LINGO2: variants seen among roughly 807,000 people sequenced by gnomAD.
LINGO2 encodes the protein leucine rich repeat and Ig domain containing 2, also known as leucine-rich repeat and immunoglobulin-like domain-containing nogo receptor-interacting protein 2.
A neutral mutation model predicts 30.6 loss-of-function variants in LINGO2; 14 were observed. The observed-to-expected ratio is 0.46, with a 90% CI of 0.30 to 0.72. The LOEUF is 0.72. Ranked by LOEUF, LINGO2 falls within the 30% of genes least tolerant of loss-of-function variation. LINGO2 has a pLI of 0.07. For missense variants in LINGO2, 729 were observed against 751.7 expected (o/e 0.97, Z 0.35); for synonymous variants, 317 against 288.5 (o/e 1.10, Z -1.00).
chr9:28,185,438 T>A (rs1819507558), intron 4 of LINGO2, among the ~76,000 whole-genome samples: 1 of 148,648 alleles, frequency 6.7e-6, no homozygotes, highest in East Asian at 2.0e-4. Context: ...AGGTAAATGG[T>A]AAAAAAAAAA....
intron 4 of LINGO2, among the ~76,000 whole-genome samples, chr9:28,024,115 T>TC (rs1458699290): frequency 4.6e-5 from 7 of 152,316 alleles, no homozygotes; most frequent in African/African-American, 1.7e-4. Flanking sequence ...AGTGACCACT[T>TC]CCAAGCTCTT....
At chr9:28,352,331 A>T (rs1270645772) in intron 3 of LINGO2, among the ~76,000 whole-genome samples, 4 of 126,012 alleles carry the variant, frequency 3.2e-5, no homozygotes, top group African/African-American at 1.2e-4. Flanking sequence ...ATGTACAAAA[A>T]TCACAAGCAT....
At chr9:28,342,036 A>T (rs1825783583) in intron 3 of LINGO2, among the ~76,000 whole-genome samples, 1 of 152,240 alleles carries the variant, frequency 6.6e-6, no homozygotes, top group East Asian at 1.9e-4. Context: ...AGGAGGGGAA[A>T]ATGTTGCTTA....
At chr9:28,434,138 G>C in intron 2 of LINGO2, among the ~76,000 whole-genome samples, 1 of 151,478 alleles carries the variant, frequency 6.6e-6, no homozygotes, top group East Asian at 1.9e-4. Flanking sequence ...TTACAAGTGG[G>C]AGCTAAGCTA....
At chr9:29,196,074 T>G in the LINGO2 span, among the ~76,000 whole-genome samples, 1 of 152,174 alleles carries the variant, frequency 6.6e-6, no homozygotes. Context: ...TTACAGGTTT[T>G]GGACATATTG....
intron 4 of LINGO2, among the ~76,000 whole-genome samples, chr9:28,257,253 A>G (rs1822413107): frequency 6.6e-6 from 1 of 151,952 alleles, no homozygotes; most frequent in Non-Finnish European, 1.5e-5. Flanking sequence ...TATTCAGCTC[A>G]GTGTAGATTT....
At chr9:27,972,975 T>C (rs1484969043) in intron 5 of LINGO2, among the ~76,000 whole-genome samples, 1 of 152,144 alleles carries the variant, frequency 6.6e-6, no homozygotes, top group Non-Finnish European at 1.5e-5. Flanking sequence ...AAGCAAATTT[T>C]CTCTCCCTCT....
chr9:28,319,228 G>A (rs1824950865), intron 3 of LINGO2, among the ~76,000 whole-genome samples: 1 of 152,062 alleles, frequency 6.6e-6, no homozygotes. Context: ...AATAGGGATG[G>A]CCACCCACCT....
At chr9:28,733,459 T>C in the LINGO2 span, among the ~76,000 whole-genome samples, 1 of 152,150 alleles carries the variant, frequency 6.6e-6, no homozygotes, top group African/African-American at 2.4e-5. Context: ...AGTGAACTTA[T>C]GGACATCTGG....
At chr9:28,324,586 C>T (rs1825158653) in intron 3 of LINGO2, among the ~76,000 whole-genome samples, 1 of 152,154 alleles carries the variant, frequency 6.6e-6, no homozygotes, top group Non-Finnish European at 1.5e-5. Context: ...TCTGGTCATC[C>T]TCACTGCTCA....
chr9:28,685,703 A>G, the LINGO2 span, among the ~76,000 whole-genome samples: 1 of 152,196 alleles, frequency 6.6e-6, no homozygotes, highest in East Asian at 1.9e-4. Flanking sequence ...TAAAATTGTC[A>G]TTTTCTACTT....
chr9:28,626,445 T>A (rs1220421892), intron 1 of LINGO2, among the ~76,000 whole-genome samples: 1 of 152,124 alleles, frequency 6.6e-6, no homozygotes, highest in African/African-American at 2.4e-5. Context: ...TGATTTGTGC[T>A]TTGAAAACTG....
At chr9:28,559,151 GAC>G (rs925956777) in intron 1 of LINGO2, among the ~76,000 whole-genome samples, 14 of 152,194 alleles carry the variant, frequency 9.2e-5, no homozygotes, top group Admixed American at 8.5e-4. Context: ...TAAATATTCA[GAC>G]ACTGTCAGCA....
chr9:27,987,576 C>T (rs968018339), intron 5 of LINGO2, among the ~76,000 whole-genome samples: 7 of 151,848 alleles, frequency 4.6e-5, no homozygotes, highest in South Asian at 2.1e-4. Flanking sequence ...GGTTTGAAGA[C>T]GTTAGCTTCG....
intron 5 of LINGO2, among the ~76,000 whole-genome samples, chr9:27,966,008 C>T (rs1587558902): frequency 1.3e-5 from 2 of 152,038 alleles, no homozygotes; most frequent in Non-Finnish European, 2.9e-5. Context: ...TATTAACTAT[C>T]CTACAGGGTT....
At chr9:28,513,960 A>G (rs1360990079) in intron 1 of LINGO2, among the ~76,000 whole-genome samples, 1 of 152,222 alleles carries the variant, frequency 6.6e-6, no homozygotes, top group Non-Finnish European at 1.5e-5. Context: ...TTCCAACAGC[A>G]TGTGCTCACT....
At chr9:28,533,542 T>C (rs951697282) in intron 1 of LINGO2, among the ~76,000 whole-genome samples, 2 of 152,162 alleles carry the variant, frequency 1.3e-5, no homozygotes, top group Non-Finnish European at 2.9e-5. Flanking sequence ...AAACACTGCT[T>C]TGAAGTCCTG....
At chr9:28,018,760 T>A (rs1438464681) in intron 4 of LINGO2, among the ~76,000 whole-genome samples, 1 of 152,130 alleles carries the variant, frequency 6.6e-6, no homozygotes, top group Admixed American at 6.6e-5. Flanking sequence ...TGTAAATTAG[T>A]TCAGCTATTA....
chr9:28,145,498 G>T (rs1341293410), intron 4 of LINGO2, among the ~76,000 whole-genome samples: 3 of 152,144 alleles, frequency 2.0e-5, no homozygotes, highest in African/African-American at 7.2e-5. Flanking sequence ...GATGAATTTT[G>T]ATTTATAGTT....
Sources: allele counts gnomAD v4.1 joint callset (sites outside exome capture counted in the v4.1 genomes callset), GRCh38; gene constraint gnomAD v4.1.1; transcripts MANE v1.5; gene names NCBI Gene and HGNC (gene_info 2026-07-23, HGNC 2026-07-21).